The following TTC29 variants were observed in gnomAD, a reference collection of about 807,000 sequenced individuals.
The protein encoded by TTC29 is tetratricopeptide repeat protein 29.
A neutral mutation model predicts 58.1 loss-of-function variants in TTC29; 49 were observed. The ratio of observed to expected loss-of-function variants is 0.84; its 90% confidence interval spans 0.67 to 1.07. The LOEUF (loss-of-function observed/expected upper bound fraction) is 1.07, where lower values mean the gene tolerates loss of function less well. Among genes scored for constraint, TTC29 ranks in the 50% least tolerant of loss-of-function variants. The pLI is 0.00. For synonymous variants in TTC29, 209 were observed against 196.8 expected, an observed-to-expected ratio of 1.06 and a Z score of -0.52; for missense variants, 582 against 555.6, an observed-to-expected ratio of 1.05 and a Z score of -0.48.
At chr4:146,712,467 T>C (rs1333109372) in intron 11 of TTC29, among the ~76,000 whole-genome samples, 2 of 152,128 alleles carry the variant, frequency 1.3e-5, no homozygotes, top group Non-Finnish European at 2.9e-5. Flanking sequence ...ACTGATGGTT[T>C]GTAAAACGGC....
At chr4:146,748,844 C>T (rs141015493) in intron 11 of TTC29, among the ~76,000 whole-genome samples, 267 of 152,276 alleles carry the variant, frequency 1.8e-3, no homozygotes, top group African/African-American at 5.8e-3. Context: ...AATAAAGGAA[C>T]ATGGCATCAC....
At chr4:146,753,944 A>G (rs1354066906) in intron 11 of TTC29, among the ~76,000 whole-genome samples, 9 of 152,128 alleles carry the variant, frequency 5.9e-5, no homozygotes, top group Admixed American at 6.5e-5. Flanking sequence ...TAGGAGATAT[A>G]CCTAATGCTA....
intron 4 of TTC29, among the ~76,000 whole-genome samples, chr4:146,916,060 A>G (rs1356658563): frequency 7.9e-5 from 12 of 151,936 alleles, no homozygotes; most frequent in Non-Finnish European, 2.9e-5. Context: ...GGAATCACCT[A>G]CGGGATAATT....
At chr4:146,760,384 T>C (rs1746792399) in intron 11 of TTC29, among the ~76,000 whole-genome samples, 4 of 151,768 alleles carry the variant, frequency 2.6e-5, no homozygotes, top group Admixed American at 2.6e-4. Context: ...ACAAATTCAA[T>C]GCAATCCCCA....
At chr4:146,892,235 C>T (rs557997336) in intron 6 of TTC29, among the ~76,000 whole-genome samples, 4 of 152,192 alleles carry the variant, frequency 2.6e-5, no homozygotes, top group African/African-American at 9.6e-5. Context: ...TGAAGATGTG[C>T]CTGCTTCCCC....
chr4:146,774,439 T>C (rs966382701), intron 11 of TTC29, among the ~76,000 whole-genome samples: 4 of 152,212 alleles, frequency 2.6e-5, no homozygotes, highest in African/African-American at 9.6e-5. Context: ...TCTTGTTATT[T>C]TCAAATAATG....
intron 8 of TTC29, among the ~76,000 whole-genome samples, chr4:146,862,954 G>A (rs953355078): frequency 1.9e-4 from 29 of 151,632 alleles, no homozygotes; most frequent in African/African-American, 6.5e-4. Context: ...AACCCCGTCT[G>A]TACTAAAAAT....
chr4:146,803,620 G>T lies in TTC29; in HGVS notation c.1167C>A (p.Ser389Arg). Residue 389 changes from serine (S) to arginine (R), a missense_variant, in exon 11 of 13, where the codon AGC (serine) becomes AGA (arginine). By Grantham distance (110) the Ser-to-Arg change is moderately radical. Transcript: ENST00000325106. The stretch of plus-strand genomic sequence containing the variant: ...CTTTTGTCTCATCCATCAGAGGCAT[G>T]CTCATTAGCTCTACTGTTGTGTCAA... Reference protein sequence around the residue: ...QAFDTTVELMSMPLMDETKVH... With the variant: ...QAFDTTVELMRMPLMDETKVH... 3 of 1,609,402 alleles carry T rather than the reference G, an allele frequency of 1.9e-6. No individual in the cohort carries two copies. In the South Asian group the frequency reaches 3.3e-5, roughly 18 times the overall value.
chr4:146,765,519 T>C (rs1747243313), intron 11 of TTC29, among the ~76,000 whole-genome samples: 1 of 152,150 alleles, frequency 6.6e-6, no homozygotes, highest in Admixed American at 6.5e-5. Flanking sequence ...TAATTTCTAA[T>C]GGGCTAAGTT....
intron 9 of TTC29, among the ~76,000 whole-genome samples, chr4:146,832,302 G>C (rs1038989776): frequency 6.6e-6 from 1 of 152,020 alleles, no homozygotes; most frequent in Non-Finnish European, 1.5e-5. Context: ...TCTCTTCTTT[G>C]TATTCAACCA....
At chr4:146,709,497 C>T (rs56399143) in intron 11 of TTC29, among the ~76,000 whole-genome samples, 43,971 of 151,924 alleles carry the variant, frequency 0.29, 8,013 homozygotes, top group Non-Finnish European at 0.4. Flanking sequence ...CTCTTCTTTT[C>T]ACTTTGTTTG....
At chr4:146,708,322 A>ATATATACATGTATGTGTGTG (rs1561046699) in intron 11 of TTC29, among the ~76,000 whole-genome samples, 9 of 31,240 alleles carry the variant, frequency 2.9e-4, no homozygotes, top group African/African-American at 5.6e-4. Context: ...ATATATATAT[A>ATATATACATGTATGTGTGTG]TATATATATA....
intron 11 of TTC29, among the ~76,000 whole-genome samples, chr4:146,717,949 ATTAT>A (rs1279545344): frequency 6.6e-6 from 1 of 152,020 alleles, no homozygotes; most frequent in Non-Finnish European, 1.5e-5. Flanking sequence ...TTTGAGTTAG[ATTAT>A]TTTAGATTCC....
chr4:146,905,288 A>G (rs1298982779), intron 5 of TTC29, among the ~76,000 whole-genome samples: 2 of 151,122 alleles, frequency 1.3e-5, no homozygotes, highest in Non-Finnish European at 2.9e-5. Context: ...AGAAGTCAGT[A>G]AGTAAAACAT....
At chr4:146,882,463 A>G (rs1226304283) in intron 6 of TTC29, among the ~76,000 whole-genome samples, 1 of 152,112 alleles carries the variant, frequency 6.6e-6, no homozygotes. Flanking sequence ...TCCTCATATA[A>G]TAAATTGTTT....
chr4:146,891,336 G>A (rs1732346706), intron 6 of TTC29, among the ~76,000 whole-genome samples: 2 of 152,114 alleles, frequency 1.3e-5, no homozygotes, highest in Non-Finnish European at 2.9e-5. Context: ...GATTTCCAAT[G>A]TGCTTTCTAG....
intron 11 of TTC29, among the ~76,000 whole-genome samples, chr4:146,766,811 A>G (rs1747357201): frequency 6.6e-6 from 1 of 152,130 alleles, no homozygotes; most frequent in African/African-American, 2.4e-5. Context: ...GTAGGTTAGA[A>G]GGGCTTGTAA....
chr4:146,814,265 A>G (rs1173241976), intron 10 of TTC29, among the ~76,000 whole-genome samples: 2 of 152,144 alleles, frequency 1.3e-5, no homozygotes, highest in Non-Finnish European at 2.9e-5. Flanking sequence ...TAAATGCTAC[A>G]TGGATAATTC....
intron 6 of TTC29, among the ~76,000 whole-genome samples, chr4:146,900,157 T>C (rs1283597110): frequency 1.3e-5 from 2 of 152,190 alleles, no homozygotes; most frequent in Non-Finnish European, 2.9e-5. Context: ...ACTAGGTACA[T>C]CAAACACTCA....
Sources: gnomAD v4.1 joint callset for allele counts (sites outside exome capture counted in the v4.1 genomes callset) on GRCh38, gnomAD v4.1.1 for gene constraint, MANE v1.5 for transcripts, NCBI Gene and HGNC (gene_info 2026-07-23, HGNC 2026-07-21) for gene names.